Variants in FANCC observed in about 807,000 individuals in gnomAD.
FANCC encodes Fanconi anemia group C protein.
Under a neutral mutation model 71.3 loss-of-function variants are expected in FANCC, and 55 were observed. That is an observed-to-expected ratio of 0.77 (90% confidence interval 0.62 to 0.97). FANCC has a LOEUF of 0.97. Among genes scored for constraint, FANCC ranks in the 50% least tolerant of loss-of-function variants. The pLI is 0.00. For missense variants in FANCC, 678 were observed against 670.9 expected (o/e 1.01, Z -0.12); for synonymous variants, 275 against 244.9 (o/e 1.12, Z -1.15).
chr9:95,294,416 A>C, intron 1 of FANCC: 10 of 1,604,828 alleles, frequency 6.2e-6, no homozygotes, highest in Non-Finnish European at 7.7e-6. Context: ...GGAAATTCTA[A>C]CTTCTTAGGC....
chr9:95,297,406 C>A (rs1233283034), intron 1 of FANCC, among the ~76,000 whole-genome samples: 1 of 152,202 alleles, frequency 6.6e-6, no homozygotes, highest in East Asian at 1.9e-4. Flanking sequence ...CATCTTCCCT[C>A]CCTCTCTCCG....
chr9:95,209,255 T>C (rs151209983), intron 4 of FANCC, among the ~76,000 whole-genome samples: 1 of 152,302 alleles, frequency 6.6e-6, no homozygotes, highest in Non-Finnish European at 1.5e-5. Context: ...AGAGCACGAA[T>C]AATTTCTAGG....
intron 1 of FANCC, among the ~76,000 whole-genome samples, chr9:95,277,902 A>C (rs1363794389): frequency 6.6e-6 from 1 of 152,234 alleles, no homozygotes; most frequent in Non-Finnish European, 1.5e-5. Flanking sequence ...TTTGCAAAAA[A>C]AAGTGAATTA....
chr9:95,121,844 T>C (rs926785116), intron 10 of FANCC, among the ~76,000 whole-genome samples: 2 of 151,562 alleles, frequency 1.3e-5, no homozygotes, highest in Non-Finnish European at 2.9e-5. Context: ...AAAGGGATAA[T>C]AAACATAAAA....
At chr9:95,210,147 T>C (rs527670696) in intron 4 of FANCC, among the ~76,000 whole-genome samples, 7 of 152,308 alleles carry the variant, frequency 4.6e-5, no homozygotes, top group Middle Eastern at 3.4e-3. Context: ...AAAATTAATA[T>C]ATATTATTTA....
chr9:95,298,832 C>T (rs559336222), intron 1 of FANCC, among the ~76,000 whole-genome samples: 1 of 152,324 alleles, frequency 6.6e-6, no homozygotes, highest in African/African-American at 2.4e-5. Context: ...ACCATCTGTG[C>T]AGCCAAGTAA....
chr9:95,121,216 C>T (rs1319068577), intron 10 of FANCC, among the ~76,000 whole-genome samples: 1 of 152,220 alleles, frequency 6.6e-6, no homozygotes, highest in East Asian at 1.9e-4. Context: ...ACTGGCTGTA[C>T]TGAGCCACAG....
Position 95,114,664 on chromosome 9 carries a change from T to C in FANCC, c.1119A>G (p.Glu373=), listed in dbSNP as rs775338179. The change falls in exon 12 of 15, where the codon GAA becomes GAG. Residue 373 remains glutamate (E), a synonymous_variant. Transcript: ENST00000289081. Reference sequence around the variant, plus strand: ...GGTCTTCAACTGCTTCTCTGAGCAGTTCAGAAATATGCTTCAGTGTCTGGA... The same window carrying C: ...GGTCTTCAACTGCTTCTCTGAGCAGCTCAGAAATATGCTTCAGTGTCTGGA... ...HWLQTLKHIS[E]LLREAVEDQT... 1.9e-6 allele frequency: 3 copies of C among 1,614,176 alleles called. No homozygotes were observed. In the South Asian group the frequency reaches 3.3e-5, roughly 18 times the overall value.
intron 4 of FANCC, among the ~76,000 whole-genome samples, chr9:95,227,835 T>C (rs1232336529): frequency 6.6e-6 from 1 of 152,138 alleles, no homozygotes; most frequent in African/African-American, 2.4e-5. Flanking sequence ...AAGAAGAACG[T>C]TTCTAGCTAT....
intron 1 of FANCC, among the ~76,000 whole-genome samples, chr9:95,276,527 A>G (rs1471417703): frequency 6.6e-6 from 1 of 152,164 alleles, no homozygotes; most frequent in Non-Finnish European, 1.5e-5. Context: ...TACCTAACCT[A>G]AGGCTTCATA....
At chr9:95,172,858 G>A (rs1378051240) in intron 4 of FANCC, among the ~76,000 whole-genome samples, 1 of 152,112 alleles carries the variant, frequency 6.6e-6, no homozygotes, top group Non-Finnish European at 1.5e-5. Flanking sequence ...AAAATCCTGG[G>A]AGTAAATCAT....
intron 3 of FANCC, among the ~76,000 whole-genome samples, chr9:95,243,654 C>T (rs879906262): frequency 2.0e-5 from 3 of 151,474 alleles, no homozygotes; most frequent in Non-Finnish European, 2.9e-5. Flanking sequence ...ATTAGCTGGG[C>T]GTGGTAGCGG....
At chr9:95,121,496 A>G (rs1180284338) in intron 10 of FANCC, among the ~76,000 whole-genome samples, 1 of 152,228 alleles carries the variant, frequency 6.6e-6, no homozygotes, top group Admixed American at 6.5e-5. Flanking sequence ...GAACTTTTGT[A>G]TTCCAAATAC....
chr9:95,113,996 A>T (rs2072185147), intron 12 of FANCC: 1 of 159,366 alleles, frequency 6.3e-6, no homozygotes, highest in Non-Finnish European at 1.4e-5. Flanking sequence ...TCTGAGTGGG[A>T]GGATCACCTA....
chr9:95,197,328 G>C (rs963494182), intron 4 of FANCC, among the ~76,000 whole-genome samples: 2 of 152,182 alleles, frequency 1.3e-5, no homozygotes, highest in Admixed American at 6.5e-5. Flanking sequence ...TTTGAGCCCA[G>C]AAGTTCCAGA....
intron 1 of FANCC, among the ~76,000 whole-genome samples, chr9:95,288,980 A>T (rs1285379137): frequency 6.6e-6 from 1 of 152,072 alleles, no homozygotes; most frequent in Non-Finnish European, 1.5e-5. Flanking sequence ...ACACACCAGT[A>T]GTCCTAGCTG....
chr9:95,286,714 T>C (rs1360643931), intron 1 of FANCC, among the ~76,000 whole-genome samples: 1 of 152,080 alleles, frequency 6.6e-6, no homozygotes, highest in African/African-American at 2.4e-5. Context: ...CTGATTACTG[T>C]TCAAGCAAAG....
intron 6 of FANCC, among the ~76,000 whole-genome samples, chr9:95,168,625 G>T (rs1341560758): frequency 6.6e-6 from 1 of 152,232 alleles, no homozygotes; most frequent in Non-Finnish European, 1.5e-5. Flanking sequence ...CCACCTCCCA[G>T]GTTCATGTGA....
chr9:95,111,362 G>T lies in FANCC; in HGVS notation c.1329+101C>A, dbSNP rs764063304. ...ATATGCCATCTGTGGGCAGAGCTCA[G>T]GTGTCATGGAAGCCAAGCCCACAAC... On this transcript the variant is annotated intron_variant, in intron 13 of 14. Transcript: ENST00000289081. 2.5e-6 allele frequency: 4 copies of T among 1,597,870 alleles called. No homozygotes were observed. The Admixed American group carries it at 6.7e-5, about 27-fold the overall frequency.
Sources: allele counts gnomAD v4.1 joint callset (sites outside exome capture counted in the v4.1 genomes callset), GRCh38; gene constraint gnomAD v4.1.1; transcripts MANE v1.5; gene names NCBI Gene and HGNC (gene_info 2026-07-23, HGNC 2026-07-21).